The following RAB38 variants were observed in gnomAD, a reference collection of about 807,000 sequenced individuals.
The protein encoded by RAB38 is ras-related protein Rab-38.
In RAB38, 15 loss-of-function variants were observed where a neutral mutation model predicts 18.4. That is an observed-to-expected ratio of 0.82 (90% CI 0.55 to 1.26). The LOEUF is 1.26. Among genes scored for constraint, RAB38 ranks in the 50% most tolerant of loss-of-function variants. The pLI, the probability that RAB38 is intolerant of heterozygous loss-of-function variation, is 0.00. For missense variants in RAB38, 294 were observed against 267.4 expected (o/e 1.10, Z -0.69); for synonymous variants, 101 against 104.4 (o/e 0.97, Z 0.20).
chr11:88,033,979 G>A, the RAB38 span, among the ~76,000 whole-genome samples: 9 of 151,940 alleles, frequency 5.9e-5, no homozygotes, highest in East Asian at 1.9e-4. Context: ...TGCCCACCTC[G>A]GCCTCCCAAA....
the RAB38 span, among the ~76,000 whole-genome samples, chr11:88,066,975 T>C: frequency 7.2e-5 from 11 of 152,320 alleles, no homozygotes; most frequent in Non-Finnish European, 1.5e-4. Flanking sequence ...TAAATTAGTT[T>C]TCCTTTTAAA....
the RAB38 span, among the ~76,000 whole-genome samples, chr11:87,943,046 G>A: frequency 1.1e-3 from 169 of 152,160 alleles, no homozygotes; most frequent in African/African-American, 3.7e-3. Context: ...AAAGAAAGTC[G>A]TAAAAATGAA....
chr11:87,961,352 A>G, the RAB38 span, among the ~76,000 whole-genome samples: 1 of 152,224 alleles, frequency 6.6e-6, no homozygotes, highest in Non-Finnish European at 1.5e-5. Flanking sequence ...TGTGTGATCC[A>G]TATAATGCTG....
chr11:88,021,486 C>T, the RAB38 span, among the ~76,000 whole-genome samples: 1 of 151,994 alleles, frequency 6.6e-6, no homozygotes, highest in Admixed American at 6.6e-5. Flanking sequence ...ATTGGCTTCA[C>T]TGCTGAATTT....
At chr11:87,835,147 G>T in the RAB38 span, among the ~76,000 whole-genome samples, 1 of 152,226 alleles carries the variant, frequency 6.6e-6, no homozygotes, top group East Asian at 1.9e-4. Flanking sequence ...AGAAACGAAT[G>T]TATTGGGTGA....
chr11:87,893,390 A>ATATATATATATATAT, the RAB38 span, among the ~76,000 whole-genome samples: 196 of 93,890 alleles, frequency 2.1e-3, 1 homozygote, highest in East Asian at 0.033. Context: ...ATATATATAT[A>ATATATATATATATAT]TTTTTTTTTT....
intron 1 of RAB38, among the ~76,000 whole-genome samples, chr11:88,163,055 A>G (rs1296702533): frequency 2.0e-5 from 3 of 152,090 alleles, no homozygotes; most frequent in Non-Finnish European, 4.4e-5. Context: ...AGCACTGACT[A>G]ACTGGATCAT....
the RAB38 span, among the ~76,000 whole-genome samples, chr11:88,048,893 G>A: frequency 2.6e-5 from 4 of 152,050 alleles, no homozygotes; most frequent in African/African-American, 9.7e-5. Flanking sequence ...AGATGTCCTA[G>A]GTCCTCCCAA....
chr11:87,946,929 T>C, the RAB38 span, among the ~76,000 whole-genome samples: 149,287 of 149,902 alleles, frequency 1, 74,338 homozygotes, highest in Middle Eastern at 1. Context: ...CTGGGTCAAA[T>C]GGTATTTCTA....
intron 2 of RAB38, among the ~76,000 whole-genome samples, chr11:88,145,998 A>C (rs1018124596): frequency 1.3e-5 from 2 of 152,206 alleles, no homozygotes. Flanking sequence ...CGCAGAAAAG[A>C]CTATTTTCTT....
At chr11:88,024,829 A>T in the RAB38 span, among the ~76,000 whole-genome samples, 31 of 152,226 alleles carry the variant, frequency 2.0e-4, no homozygotes, top group South Asian at 6.4e-3. Flanking sequence ...ACTCATGGAG[A>T]TACAGAATAG....
At chr11:88,082,554 A>T in the RAB38 span, among the ~76,000 whole-genome samples, 1 of 151,868 alleles carries the variant, frequency 6.6e-6, no homozygotes, top group Non-Finnish European at 1.5e-5. Flanking sequence ...CCCGCAATCT[A>T]TCCCATCTCA....
chr11:87,809,114 A>G, the RAB38 span, among the ~76,000 whole-genome samples: 1 of 152,304 alleles, frequency 6.6e-6, no homozygotes, highest in African/African-American at 2.4e-5. Flanking sequence ...AAATCCACAT[A>G]TATAAGTAAT....
chr11:87,969,447 A>G, the RAB38 span, among the ~76,000 whole-genome samples: 2 of 152,188 alleles, frequency 1.3e-5, no homozygotes, highest in Non-Finnish European at 2.9e-5. Context: ...CAAACGCTCC[A>G]TGGTATAATA....
At chr11:88,097,272 TTCAA>T in the RAB38 span, among the ~76,000 whole-genome samples, 2 of 151,866 alleles carry the variant, frequency 1.3e-5, no homozygotes, top group African/African-American at 2.4e-5. Context: ...CTTGGGCAAA[TTCAA>T]TCAGACAACC....
At chr11:88,079,845 T>G in the RAB38 span, among the ~76,000 whole-genome samples, 1 of 151,652 alleles carries the variant, frequency 6.6e-6, no homozygotes, top group East Asian at 1.9e-4. Flanking sequence ...AATTGAATTC[T>G]CATTTAAGAT....
the RAB38 span, among the ~76,000 whole-genome samples, chr11:88,033,949 G>C: frequency 6.6e-6 from 1 of 151,858 alleles, no homozygotes; most frequent in Non-Finnish European, 1.5e-5. Flanking sequence ...GGATGGTCTC[G>C]ATCTCCTGAC....
chr11:87,849,303 A>C, the RAB38 span, among the ~76,000 whole-genome samples: 1 of 152,070 alleles, frequency 6.6e-6, no homozygotes, highest in African/African-American at 2.4e-5. Context: ...TTTCATTATT[A>C]ATAGTCACCT....
chr11:87,954,700 G>T, the RAB38 span, among the ~76,000 whole-genome samples: 2 of 151,978 alleles, frequency 1.3e-5, no homozygotes, highest in East Asian at 1.9e-4. Context: ...AGGTATAGGC[G>T]AGCCCGGGAG....
Sources: allele counts gnomAD v4.1 joint callset (sites outside exome capture counted in the v4.1 genomes callset), GRCh38; gene constraint gnomAD v4.1.1; transcripts MANE v1.5; gene names NCBI Gene and HGNC (gene_info 2026-07-23, HGNC 2026-07-21).